Variants in GRM8 observed in about 807,000 individuals in gnomAD.
GRM8 encodes metabotropic glutamate receptor 8.
Under a neutral mutation model 87.2 loss-of-function variants are expected in GRM8, and 47 were observed. That is an observed-to-expected ratio of 0.54 (90% confidence interval 0.43 to 0.69). The LOEUF is 0.69. Among genes scored for constraint, GRM8 ranks in the 30% least tolerant of loss-of-function variants. GRM8 has a pLI of 0.00. For missense variants in GRM8, 1,019 were observed against 1,139.2 expected (o/e 0.89, Z 1.52); for synonymous variants, 396 against 404.5 (o/e 0.98, Z 0.25).
intron 2 of GRM8, among the ~76,000 whole-genome samples, chr7:127,177,377 C>G (rs945500851): frequency 6.6e-6 from 1 of 152,190 alleles, no homozygotes; most frequent in Non-Finnish European, 1.5e-5. Context: ...TCAGACATGT[C>G]TAGCCCTGCC....
At chr7:126,806,270 G>A (rs1792694766) in intron 6 of GRM8, among the ~76,000 whole-genome samples, 1 of 152,096 alleles carries the variant, frequency 6.6e-6, no homozygotes, top group African/African-American at 2.4e-5. Flanking sequence ...CGGCGCATCT[G>A]GAGTTGTTCC....
At chr7:126,607,709 T>G (rs1401658440) in intron 8 of GRM8, among the ~76,000 whole-genome samples, 1 of 152,120 alleles carries the variant, frequency 6.6e-6, no homozygotes, top group Non-Finnish European at 1.5e-5. Context: ...TTTATTATTA[T>G]TATTATACTT....
intron 8 of GRM8, among the ~76,000 whole-genome samples, chr7:126,590,430 A>C: frequency 6.6e-6 from 1 of 152,208 alleles, no homozygotes; most frequent in East Asian, 1.9e-4. Context: ...GAAGAAATCT[A>C]AAGGTTTGGA....
chr7:126,653,575 A>C (rs1804174928), intron 7 of GRM8, among the ~76,000 whole-genome samples: 1 of 152,244 alleles, frequency 6.6e-6, no homozygotes, highest in Non-Finnish European at 1.5e-5. Flanking sequence ...ACCTTTACAG[A>C]AAATACGCTT....
chr7:126,798,917 T>C (rs1224862256), intron 6 of GRM8, among the ~76,000 whole-genome samples: 1 of 151,926 alleles, frequency 6.6e-6, no homozygotes, highest in African/African-American at 2.4e-5. Flanking sequence ...AGAACAACAG[T>C]GATAATAACT....
chr7:126,679,609 G>T (rs1452636407), intron 7 of GRM8, among the ~76,000 whole-genome samples: 1 of 152,126 alleles, frequency 6.6e-6, no homozygotes, highest in Non-Finnish European at 1.5e-5. Context: ...GCTGTAATTA[G>T]CAAATAATTA....
intron 2 of GRM8, among the ~76,000 whole-genome samples, chr7:127,207,364 A>C (rs938081446): frequency 6.6e-6 from 1 of 152,166 alleles, no homozygotes; most frequent in Non-Finnish European, 1.5e-5. Flanking sequence ...TAATTAAGTG[A>C]AGATGAAATT....
intron 7 of GRM8, among the ~76,000 whole-genome samples, chr7:126,706,350 A>G (rs1391220553): frequency 6.6e-6 from 1 of 152,074 alleles, no homozygotes; most frequent in African/African-American, 2.4e-5. Flanking sequence ...CAGGAGTGCT[A>G]ATGGTCTAGT....
At chr7:126,479,976 G>A (rs1420748230) in intron 9 of GRM8, among the ~76,000 whole-genome samples, 1 of 151,996 alleles carries the variant, frequency 6.6e-6, no homozygotes, top group Non-Finnish European at 1.5e-5. Context: ...AGAATGTGAT[G>A]GCAACCCAAG....
At chr7:126,889,258 A>G (rs1800774548) in intron 6 of GRM8, among the ~76,000 whole-genome samples, 1 of 152,120 alleles carries the variant, frequency 6.6e-6, no homozygotes, top group South Asian at 2.1e-4. Flanking sequence ...ATTTATCAAA[A>G]TTTCTCAGAG....
At chr7:127,107,814 C>G (rs1384759845) in intron 2 of GRM8, among the ~76,000 whole-genome samples, 1 of 152,182 alleles carries the variant, frequency 6.6e-6, no homozygotes, top group Non-Finnish European at 1.5e-5. Context: ...AAATAACCTT[C>G]CTAAGTCTAG....
intron 3 of GRM8, among the ~76,000 whole-genome samples, chr7:127,046,215 C>CA (rs538511732): frequency 3.6e-4 from 54 of 151,698 alleles, no homozygotes; most frequent in Non-Finnish European, 6.6e-4. Flanking sequence ...ACTAAAAATA[C>CA]AAAAAAATTA....
intron 9 of GRM8, among the ~76,000 whole-genome samples, chr7:126,499,943 AAAC>A (rs910729014): frequency 6.6e-6 from 1 of 151,964 alleles, no homozygotes; most frequent in African/African-American, 2.4e-5. Flanking sequence ...ATAAAACTAA[AAAC>A]AACAATTGTA....
intron 6 of GRM8, among the ~76,000 whole-genome samples, chr7:126,878,958 T>C (rs1464891196): frequency 6.6e-6 from 1 of 151,072 alleles, no homozygotes; most frequent in Non-Finnish European, 1.5e-5. Flanking sequence ...AGGTCAGGAG[T>C]TCGAGACCAG....
At chr7:127,083,448 C>T (rs139814380) in intron 3 of GRM8, among the ~76,000 whole-genome samples, 5 of 152,242 alleles carry the variant, frequency 3.3e-5, no homozygotes, top group Non-Finnish European at 7.4e-5. Context: ...CTAACTCAAC[C>T]TGCTGCCTAC....
At chr7:127,014,239 T>C (rs551721338) in intron 3 of GRM8, among the ~76,000 whole-genome samples, 1 of 152,282 alleles carries the variant, frequency 6.6e-6, no homozygotes, top group Admixed American at 6.5e-5. Context: ...CCGATCCAAA[T>C]TATTTTCTAG....
intron 8 of GRM8, among the ~76,000 whole-genome samples, chr7:126,602,992 T>A (rs1797968950): frequency 6.9e-6 from 1 of 145,616 alleles, no homozygotes; most frequent in South Asian, 2.3e-4. Context: ...CTCAATAAAA[T>A]ACTGGCAAAC....
intron 3 of GRM8, among the ~76,000 whole-genome samples, chr7:127,006,895 C>G (rs1814371073): frequency 6.6e-6 from 1 of 152,042 alleles, no homozygotes; most frequent in Non-Finnish European, 1.5e-5. Flanking sequence ...CTCTTTGCCT[C>G]CTATGGAGCT....
chr7:126,873,348 G>A (rs1028922514), intron 6 of GRM8, among the ~76,000 whole-genome samples: 1 of 152,016 alleles, frequency 6.6e-6, no homozygotes, highest in East Asian at 1.9e-4. Flanking sequence ...TGAGAGAAGC[G>A]AAACTTATTT....
Sources: allele counts gnomAD v4.1 joint callset (sites outside exome capture counted in the v4.1 genomes callset), GRCh38; gene constraint gnomAD v4.1.1; transcripts MANE v1.5; gene names NCBI Gene and HGNC (gene_info 2026-07-23, HGNC 2026-07-21).